NLGN1: variants seen among roughly 807,000 people sequenced by gnomAD.
NLGN1 encodes neuroligin-1.
Under a neutral mutation model 65.5 loss-of-function variants are expected in NLGN1, and 12 were observed. The observed-to-expected ratio is 0.18, with a 90% CI of 0.12 to 0.30. The LOEUF is 0.30. Ranked by LOEUF, NLGN1 falls within the 10% of genes least tolerant of loss-of-function variation. The pLI is 1.00. For missense variants in NLGN1, 750 were observed against 1,007.1 expected (o/e 0.74, Z 3.46); for synonymous variants, 350 against 359.5 (o/e 0.97, Z 0.30).
At chr3:173,908,294 A>G (rs865938554) in intron 4 of NLGN1, among the ~76,000 whole-genome samples, 7 of 152,190 alleles carry the variant, frequency 4.6e-5, no homozygotes, top group East Asian at 3.9e-4. Context: ...CAACTTACCA[A>G]TACCAACCTT....
chr3:173,779,889 TG>T (rs1300980945), intron 3 of NLGN1, among the ~76,000 whole-genome samples: 2 of 152,160 alleles, frequency 1.3e-5, no homozygotes, highest in Non-Finnish European at 2.9e-5. Context: ...CTGCTATTTT[TG>T]CAAGATTATG....
At chr3:174,176,571 A>AGTTTT (rs372596207) in intron 4 of NLGN1, among the ~76,000 whole-genome samples, 2,069 of 151,906 alleles carry the variant, frequency 0.014, 42 homozygotes, top group African/African-American at 0.045. Flanking sequence ...GCTTCAGTTC[A>AGTTTT]GTTTTGTTTT....
intron 4 of NLGN1, among the ~76,000 whole-genome samples, chr3:173,981,926 A>C (rs1461497216): frequency 6.6e-6 from 1 of 152,054 alleles, no homozygotes; most frequent in Non-Finnish European, 1.5e-5. Flanking sequence ...TTTTTCTTCA[A>C]GTGAAATGAT....
chr3:173,796,067 G>A (rs938536645), intron 3 of NLGN1, among the ~76,000 whole-genome samples: 1 of 152,086 alleles, frequency 6.6e-6, no homozygotes, highest in Non-Finnish European at 1.5e-5. Flanking sequence ...GCTTTTCTAA[G>A]TCGGGAGCTA....
chr3:173,953,527 T>A (rs1748624826), intron 4 of NLGN1, among the ~76,000 whole-genome samples: 1 of 151,876 alleles, frequency 6.6e-6, no homozygotes, highest in African/African-American at 2.4e-5. Context: ...TTTTATTTAT[T>A]TATTTATATA....
intron 1 of NLGN1, among the ~76,000 whole-genome samples, chr3:173,414,413 C>G (rs1713250075): frequency 6.6e-6 from 1 of 152,020 alleles, no homozygotes; most frequent in African/African-American, 2.4e-5. Flanking sequence ...CCTCAGGACG[C>G]TAGGAAACCA....
At chr3:173,876,867 C>T (rs1323188087) in intron 4 of NLGN1, among the ~76,000 whole-genome samples, 1 of 152,056 alleles carries the variant, frequency 6.6e-6, no homozygotes, top group Non-Finnish European at 1.5e-5. Flanking sequence ...GCATAAATGT[C>T]ATGGAAGTGA....
intron 3 of NLGN1, among the ~76,000 whole-genome samples, chr3:173,646,255 T>G (rs761515353): frequency 7.2e-5 from 11 of 152,188 alleles, no homozygotes; most frequent in Non-Finnish European, 1.6e-4. Context: ...TTTTAATAGC[T>G]ACAGTGAAAT....
intron 4 of NLGN1, among the ~76,000 whole-genome samples, chr3:173,836,799 C>A (rs563802016): frequency 6.6e-6 from 1 of 152,230 alleles, no homozygotes; most frequent in East Asian, 1.9e-4. Context: ...TCAGTGGAAT[C>A]AAAAGTTAGA....
In NLGN1 at chr3:173,996,838, G is replaced by T. The variant is rs142185434; in HGVS notation, c.646+189006G>T. Among the ~76,000 whole-genome samples the T allele has an allele frequency of 3.9e-4, 60 of 152,278 alleles. 1 individual carries two copies. The highest frequency in any genetic ancestry group is 1.6e-3 in the Admixed American group (24 of 15,280). ...ACTTTGTGTTATGTTTTATTTTCTG[G>T]CAGGGGAGGTGGTTGGGGAACACCA... On this transcript the variant is annotated intron_variant, in intron 4 of 6. Coordinates refer to ENST00000457714, the Ensembl canonical transcript of NLGN1.
chr3:173,697,122 T>C (rs1437098960), intron 3 of NLGN1, among the ~76,000 whole-genome samples: 1 of 152,218 alleles, frequency 6.6e-6, no homozygotes, highest in Non-Finnish European at 1.5e-5. Flanking sequence ...GAAAGTTAAA[T>C]GTTTCTTTCC....
intron 4 of NLGN1, among the ~76,000 whole-genome samples, chr3:173,952,149 C>G (rs1748342471): frequency 6.6e-6 from 1 of 152,172 alleles, no homozygotes; most frequent in Admixed American, 6.5e-5. Flanking sequence ...ACATAGCAAA[C>G]TTCCTGCAGG....
chr3:173,416,650 A>T (rs1018809203), intron 1 of NLGN1, among the ~76,000 whole-genome samples: 6 of 152,162 alleles, frequency 3.9e-5, no homozygotes, highest in Non-Finnish European at 8.8e-5. Context: ...CTACAAAACA[A>T]TGTGTTAATT....
chr3:173,868,035 A>G (rs1372637507), intron 4 of NLGN1, among the ~76,000 whole-genome samples: 3 of 152,204 alleles, frequency 2.0e-5, no homozygotes, highest in African/African-American at 4.8e-5. Context: ...TATCTTAAAT[A>G]TATTACAAAC....
At chr3:173,741,177 A>G (rs577392424) in intron 3 of NLGN1, among the ~76,000 whole-genome samples, 1 of 152,266 alleles carries the variant, frequency 6.6e-6, no homozygotes, top group South Asian at 2.1e-4. Flanking sequence ...CAGTGCAGTA[A>G]TAATCCATTA....
Position 174,005,391 on chromosome 3 carries a change from C to A in NLGN1, c.646+197559C>A, listed in dbSNP as rs371289640. 6.6e-5 allele frequency among the ~76,000 whole-genome samples: 10 copies of A among 152,216 alleles called. No individual in the cohort carries two copies. The East Asian group carries it at 1.5e-3, about 24-fold the overall frequency. On this transcript the variant is annotated intron_variant, in intron 4 of 6. Coordinates refer to ENST00000457714, the Ensembl canonical transcript of NLGN1. The stretch of plus-strand genomic sequence containing the variant: ...TTGCTTCCCATTGTATCTCTAGATT[C>A]TAATGTAAGTGCCTGGCATGTAGTA...
intron 1 of NLGN1, among the ~76,000 whole-genome samples, chr3:173,400,963 A>G (rs958659693): frequency 1.3e-5 from 2 of 152,192 alleles, no homozygotes; most frequent in Admixed American, 6.5e-5. Context: ...TAAGCATTTT[A>G]TCAGGCTTCT....
chr3:173,482,384 C>G (rs952123380), intron 2 of NLGN1, among the ~76,000 whole-genome samples: 4 of 151,750 alleles, frequency 2.6e-5, no homozygotes, highest in African/African-American at 9.7e-5. Flanking sequence ...TAATTTTTTT[C>G]CAGGTGGATC....
intron 2 of NLGN1, among the ~76,000 whole-genome samples, chr3:173,510,556 C>T (rs143282547): frequency 9.4e-4 from 143 of 152,210 alleles, no homozygotes; most frequent in Middle Eastern, 6.8e-3. Flanking sequence ...TTTTATTGCC[C>T]AGATGTTGGA....
Sources: allele counts gnomAD v4.1 joint callset (sites outside exome capture counted in the v4.1 genomes callset), GRCh38; gene constraint gnomAD v4.1.1; transcripts MANE v1.5; gene names NCBI Gene and HGNC (gene_info 2026-07-23, HGNC 2026-07-21).